Variants in MAGI1 observed in about 807,000 individuals in gnomAD.
The protein encoded by MAGI1 is membrane associated guanylate kinase, WW and PDZ domain containing 1.
MAGI1 carries 58 observed loss-of-function variants against 139.9 expected under a neutral mutation model. That is an observed-to-expected ratio of 0.41 (90% confidence interval 0.34 to 0.52). The LOEUF (loss-of-function observed/expected upper bound fraction) is 0.52, where lower values mean the gene tolerates loss of function less well. MAGI1 is among the 20% of genes least tolerant of loss of function. The probability of loss-of-function intolerance (pLI) is 0.12; values close to 1 mark genes in which losing one functional copy is unlikely to be tolerated. For synonymous variants in MAGI1, 812 were observed against 737.9 expected (o/e 1.10, Z -1.63); for missense variants, 1,874 against 1,901.6 (o/e 0.99, Z 0.27).
intron 1 of MAGI1, among the ~76,000 whole-genome samples, chr3:65,950,088 AAC>A (rs567852189): frequency 0.033 from 1,898 of 58,198 alleles, 150 homozygotes; most frequent in African/African-American, 0.062. Flanking sequence ...CAAAAAAAAA[AAC>A]AAACAAAAAA....
chr3:65,982,629 T>C (rs1406724565), intron 1 of MAGI1, among the ~76,000 whole-genome samples: 4 of 152,208 alleles, frequency 2.6e-5, no homozygotes, highest in African/African-American at 9.6e-5. Flanking sequence ...TATGGTCTCA[T>C]AAAAAATATT....
chr3:65,770,881 C>A (rs1021963163), intron 1 of MAGI1, among the ~76,000 whole-genome samples: 2 of 151,802 alleles, frequency 1.3e-5, no homozygotes, highest in Non-Finnish European at 2.9e-5. Context: ...TTAGTAGAGA[C>A]GGGGTTTTCC....
chr3:65,776,694 C>T (rs979452987), intron 1 of MAGI1, among the ~76,000 whole-genome samples: 4 of 152,104 alleles, frequency 2.6e-5, no homozygotes, highest in African/African-American at 9.7e-5. Context: ...AAACGGTACT[C>T]CCCCCGCAAC....
chr3:65,442,906 GT>G, intron 7 of MAGI1, 57 bp from the exon 8 acceptor site: 1 of 1,347,876 alleles, frequency 7.4e-7, no homozygotes, highest in Non-Finnish European at 1.1e-6. Flanking sequence ...GAGCCTGGGT[GT>G]TTTCAACAAC....
At chr3:65,591,439 G>A (rs1174558301) in intron 2 of MAGI1, among the ~76,000 whole-genome samples, 5 of 152,004 alleles carry the variant, frequency 3.3e-5, no homozygotes, top group African/African-American at 1.2e-4. Context: ...CCATTACTCT[G>A]GTCTGGCCAC....
In MAGI1 at chr3:65,360,942, C is replaced by G. The variant is rs556093729; in HGVS notation, c.3634+257G>C. On this transcript the variant is annotated intron_variant, in intron 22 of 22. Coordinates refer to ENST00000402939, the MANE Select transcript of MAGI1 (RefSeq NM_001033057.2). Reference sequence around the variant, plus strand: ...TTCCTTCGCTCTTGGTCGGACTAGACAAAACGTTCTCTCTGATTATCAGAA... The same window carrying G: ...TTCCTTCGCTCTTGGTCGGACTAGAGAAAACGTTCTCTCTGATTATCAGAA... 1.9e-4 allele frequency: 273 copies of G among 1,412,156 alleles called. No homozygotes were observed. In the African/African-American group the frequency reaches 3.5e-3, roughly 18 times the overall value. 87.5% of individuals were successfully genotyped at this position (1,412,156 alleles called of 1,614,324 possible).
At chr3:65,386,580 T>C (rs1288909166) in intron 14 of MAGI1, among the ~76,000 whole-genome samples, 1 of 152,214 alleles carries the variant, frequency 6.6e-6, no homozygotes, top group African/African-American at 2.4e-5. Flanking sequence ...CACCTCTTCT[T>C]AGAGGCATTG....
At chr3:65,909,241 T>C (rs987853934) in intron 1 of MAGI1, among the ~76,000 whole-genome samples, 2 of 151,980 alleles carry the variant, frequency 1.3e-5, no homozygotes, top group Non-Finnish European at 2.9e-5. Flanking sequence ...GGAGTTAATA[T>C]AGTCTGGGCA....
At chr3:65,815,871 C>T (rs1276785854) in intron 1 of MAGI1, among the ~76,000 whole-genome samples, 1 of 152,134 alleles carries the variant, frequency 6.6e-6, no homozygotes, top group Non-Finnish European at 1.5e-5. Context: ...AAAAGCTACT[C>T]AGCTAGTAAG....
In MAGI1 at chr3:65,921,534, T is replaced by C. The variant is rs1024373950; in HGVS notation, c.313+116462A>G. On this transcript the variant is annotated intron_variant, in intron 1 of 22. Transcript: ENST00000402939. ...CATGTTGGCCAGGCTGGTCTCGAAC[T>C]TCTGGCTTCAAGTGATCCTCCCACC... Among the ~76,000 whole-genome samples, 6 of 152,204 alleles carry C rather than the reference T, an allele frequency of 3.9e-5. No homozygotes were observed. In the East Asian group the frequency reaches 1.2e-3, roughly 29 times the overall value.
At chr3:65,523,950 A>T (rs1009378724) in intron 2 of MAGI1, among the ~76,000 whole-genome samples, 1 of 152,182 alleles carries the variant, frequency 6.6e-6, no homozygotes, top group Non-Finnish European at 1.5e-5. Flanking sequence ...AAACGCAAAG[A>T]TCACATGAAA....
chr3:65,386,050 C>G (rs933638637), intron 14 of MAGI1, among the ~76,000 whole-genome samples: 5 of 152,104 alleles, frequency 3.3e-5, no homozygotes, highest in African/African-American at 1.2e-4. Flanking sequence ...CTGGGAACAA[C>G]GAAAGGGCCT....
At chr3:65,455,373 A>C (rs78691824) in intron 5 of MAGI1, among the ~76,000 whole-genome samples, 2,624 of 152,212 alleles carry the variant, frequency 0.017, 74 homozygotes, top group African/African-American at 0.058. Flanking sequence ...AATCCCTGGT[A>C]ACTACGAATC....
At chr3:66,030,548 GA>G (rs1018252428) in intron 1 of MAGI1, among the ~76,000 whole-genome samples, 9 of 152,166 alleles carry the variant, frequency 5.9e-5, no homozygotes, top group Admixed American at 6.6e-5. Flanking sequence ...ATAAAGCTGA[GA>G]GGGGGAACAG....
intron 1 of MAGI1, among the ~76,000 whole-genome samples, chr3:65,762,757 T>C (rs2037140644): frequency 6.6e-6 from 1 of 152,174 alleles, no homozygotes. Flanking sequence ...ATTACTGTTT[T>C]TCCTGTTCTA....
chr3:65,504,762 C>A (rs1237222309), intron 2 of MAGI1, among the ~76,000 whole-genome samples: 1 of 152,194 alleles, frequency 6.6e-6, no homozygotes, highest in Non-Finnish European at 1.5e-5. Context: ...CTATGTCTTA[C>A]TGCCTCTTAA....
intron 1 of MAGI1, among the ~76,000 whole-genome samples, chr3:65,633,385 T>C (rs2107172693): frequency 6.6e-6 from 1 of 152,238 alleles, no homozygotes; most frequent in Admixed American, 6.5e-5. Flanking sequence ...AAGAAACGTG[T>C]GGTGAGTGTG....
At chr3:65,711,395 T>C (rs969252150) in intron 1 of MAGI1, among the ~76,000 whole-genome samples, 3 of 152,184 alleles carry the variant, frequency 2.0e-5, no homozygotes, top group African/African-American at 7.2e-5. Context: ...AAAAAGGTTT[T>C]AGATAAACAA....
At chr3:65,538,590 A>C (rs1286377201) in intron 2 of MAGI1, among the ~76,000 whole-genome samples, 2 of 152,192 alleles carry the variant, frequency 1.3e-5, no homozygotes, top group African/African-American at 4.8e-5. Context: ...TACAATATGA[A>C]GGATATCAAA....
Sources: gnomAD v4.1 joint callset for allele counts (sites outside exome capture counted in the v4.1 genomes callset) on GRCh38, gnomAD v4.1.1 for gene constraint, MANE v1.5 for transcripts, NCBI Gene and HGNC (gene_info 2026-07-23, HGNC 2026-07-21) for gene names.